ADAMTSL1: variants seen among roughly 807,000 people sequenced by gnomAD.
ADAMTSL1 encodes the protein ADAMTS-like protein 1.
In ADAMTSL1, 126 loss-of-function variants were observed where a neutral mutation model predicts 201.8. The observed-to-expected ratio is 0.62, with a 90% CI of 0.54 to 0.72. The LOEUF (loss-of-function observed/expected upper bound fraction) is 0.72. Ranked by LOEUF, ADAMTSL1 falls within the 30% of genes least tolerant of loss-of-function variation. ADAMTSL1 has a pLI of 0.00. For synonymous variants in ADAMTSL1, 1,121 were observed against 903.4 expected, an observed-to-expected ratio of 1.24 and a Z score of -4.32; for missense variants, 2,679 against 2,277.8, an observed-to-expected ratio of 1.18 and a Z score of -3.59.
chr9:18,173,676 A>G (rs1314587803), intron 2 of ADAMTSL1, among the ~76,000 whole-genome samples: 4 of 152,138 alleles, frequency 2.6e-5, no homozygotes, highest in African/African-American at 9.7e-5. Flanking sequence ...AAGCATTAAA[A>G]GCCCCAACAC....
chr9:18,830,002 G>A (rs1824874766), intron 23 of ADAMTSL1, 25 bp downstream of exon 23: 1 of 1,587,276 alleles, frequency 6.3e-7, no homozygotes, highest in South Asian at 1.1e-5. Flanking sequence ...CGGAAACATT[G>A]GGCAGAAAGC....
chr9:17,977,820 C>G (rs998426398), intron 1 of ADAMTSL1, among the ~76,000 whole-genome samples: 23 of 152,146 alleles, frequency 1.5e-4, no homozygotes, highest in African/African-American at 5.5e-4. Context: ...AATAGATGTT[C>G]TATATTAATC....
At chr9:18,251,341 G>C (rs1044821364) in intron 2 of ADAMTSL1, among the ~76,000 whole-genome samples, 1 of 152,118 alleles carries the variant, frequency 6.6e-6, no homozygotes, top group Non-Finnish European at 1.5e-5. Context: ...ACGGTGTTGA[G>C]TTTCTAGACA....
At chr9:18,158,434 G>T (rs1318180576) in intron 1 of ADAMTSL1, among the ~76,000 whole-genome samples, 1 of 151,626 alleles carries the variant, frequency 6.6e-6, no homozygotes, top group African/African-American at 2.4e-5. Context: ...AGATTTTTTG[G>T]ATTAACGGAA....
At chr9:18,007,597 C>A (rs932596707) in intron 1 of ADAMTSL1, among the ~76,000 whole-genome samples, 4 of 151,788 alleles carry the variant, frequency 2.6e-5, no homozygotes, top group African/African-American at 9.7e-5. Flanking sequence ...TTAGATAAGC[C>A]CCAGAGTGCA....
intron 4 of ADAMTSL1, among the ~76,000 whole-genome samples, chr9:18,586,240 G>A (rs78232551): frequency 6.6e-6 from 1 of 152,158 alleles, no homozygotes; most frequent in South Asian, 2.1e-4. Flanking sequence ...CTTCAGCAAA[G>A]TCTCAGGATA....
At chr9:18,411,354 C>A (rs1241976273) in intron 2 of ADAMTSL1, among the ~76,000 whole-genome samples, 1 of 151,540 alleles carries the variant, frequency 6.6e-6, no homozygotes, top group Non-Finnish European at 1.5e-5. Context: ...AACGTGCCAC[C>A]ATGCCTGGCT....
intron 4 of ADAMTSL1, among the ~76,000 whole-genome samples, chr9:18,603,612 T>G (rs1824815590): frequency 6.6e-6 from 1 of 152,212 alleles, no homozygotes; most frequent in Admixed American, 6.6e-5. Context: ...ATGTTTACTT[T>G]TATTTGTTTC....
intron 4 of ADAMTSL1, among the ~76,000 whole-genome samples, chr9:18,596,647 G>C (rs1404460414): frequency 6.6e-6 from 1 of 152,146 alleles, no homozygotes; most frequent in Non-Finnish European, 1.5e-5. Context: ...GTGAACCTAT[G>C]TGAGGTGATA....
chr9:18,805,897 T>C (rs542505851), intron 20 of ADAMTSL1, among the ~76,000 whole-genome samples: 13 of 152,310 alleles, frequency 8.5e-5, no homozygotes, highest in African/African-American at 3.1e-4. Flanking sequence ...CAGCCTGCGG[T>C]CCTTGTGTCT....
chr9:17,930,408 T>C (rs1419916411), intron 1 of ADAMTSL1, among the ~76,000 whole-genome samples: 2 of 152,128 alleles, frequency 1.3e-5, no homozygotes, highest in African/African-American at 4.8e-5. Context: ...CTACTTTTTG[T>C]ATTCTTAACT....
At chr9:18,843,594 TG>T (rs1214613181) in intron 23 of ADAMTSL1, among the ~76,000 whole-genome samples, 2 of 150,706 alleles carry the variant, frequency 1.3e-5, no homozygotes, top group African/African-American at 5.0e-5. Context: ...CTTGCTGGAT[TG>T]GGGAAGTTCT....
intron 2 of ADAMTSL1, among the ~76,000 whole-genome samples, chr9:18,445,709 T>C (rs1016642068): frequency 9.2e-5 from 14 of 152,162 alleles, no homozygotes; most frequent in African/African-American, 3.4e-4. Context: ...TTGAAAAATT[T>C]TTTTATCATC....
intron 1 of ADAMTSL1, among the ~76,000 whole-genome samples, chr9:17,923,363 TG>T (rs1826385060): frequency 7.1e-6 from 1 of 140,470 alleles, no homozygotes; most frequent in African/African-American, 2.7e-5. Flanking sequence ...TCACATCCCT[TG>T]TAAGTTGGAT....
intron 1 of ADAMTSL1, among the ~76,000 whole-genome samples, chr9:18,496,345 G>T (rs1261236587): frequency 6.6e-6 from 1 of 152,176 alleles, no homozygotes; most frequent in African/African-American, 2.4e-5. Flanking sequence ...AAGCCAGGGA[G>T]AATGTTTTAA....
At chr9:18,859,033 C>T (rs189227392) in intron 23 of ADAMTSL1, among the ~76,000 whole-genome samples, 2 of 152,180 alleles carry the variant, frequency 1.3e-5, no homozygotes. Flanking sequence ...AAATGAAATA[C>T]TATTTGCCAT....
chr9:17,997,982 G>T (rs531096068), intron 1 of ADAMTSL1, among the ~76,000 whole-genome samples: 1 of 152,066 alleles, frequency 6.6e-6, no homozygotes, highest in South Asian at 2.1e-4. Context: ...CCCATTAATA[G>T]AAATAGAAGC....
chr9:18,905,461 A>G, intron 26 of ADAMTSL1: 1 of 315,664 alleles, frequency 3.2e-6, no homozygotes, highest in Non-Finnish European at 6.1e-6. Context: ...TCTAAAGTCT[A>G]CTGCCACATT....
chr9:18,518,795 G>GC (rs1214248322), intron 2 of ADAMTSL1, among the ~76,000 whole-genome samples: 2 of 152,028 alleles, frequency 1.3e-5, no homozygotes, highest in Non-Finnish European at 2.9e-5. Context: ...TGCAACCTCT[G>GC]CCCCCCGGAT....
Sources: gnomAD v4.1 joint callset for allele counts (sites outside exome capture counted in the v4.1 genomes callset) on GRCh38, gnomAD v4.1.1 for gene constraint, MANE v1.5 for transcripts, NCBI Gene and HGNC (gene_info 2026-07-23, HGNC 2026-07-21) for gene names.